The following TACC2 variants were observed in gnomAD, a reference collection of about 807,000 sequenced individuals.
The protein encoded by TACC2 is transforming acidic coiled-coil containing protein 2, also known as transforming acidic coiled-coil-containing protein 2.
A neutral mutation model predicts 227.3 loss-of-function variants in TACC2; 137 were observed. That is an observed-to-expected ratio of 0.60 (90% CI 0.52 to 0.69). TACC2 has a LOEUF of 0.69. Ranked by LOEUF, TACC2 falls within the 30% of genes least tolerant of loss-of-function variation. The probability of loss-of-function intolerance (pLI) is 0.00; values close to 1 mark genes in which losing one functional copy is unlikely to be tolerated. For missense variants in TACC2, 3,470 were observed against 3,694.4 expected (o/e 0.94, Z 1.57); for synonymous variants, 1,523 against 1,487.5 (o/e 1.02, Z -0.55).
chr10:122,010,818 C>A (rs146075852), intron 1 of TACC2, among the ~76,000 whole-genome samples: 127 of 152,338 alleles, frequency 8.3e-4, no homozygotes, highest in African/African-American at 2.7e-3. Flanking sequence ...CATCACAAAC[C>A]ACCCCAACAC....
intron 1 of TACC2, among the ~76,000 whole-genome samples, chr10:122,002,105 A>G (rs889647971): frequency 1.3e-5 from 2 of 152,166 alleles, no homozygotes; most frequent in African/African-American, 2.4e-5. Flanking sequence ...CCTAGTGAGG[A>G]TCATCTTCTT....
At chr10:122,164,072 T>A in intron 7 of TACC2, 1 of 1,508,458 alleles carries the variant, frequency 6.6e-7, no homozygotes, top group Non-Finnish European at 9.0e-7. Context: ...TCGCCTTTCC[T>A]AATGCCTGTG....
chr10:122,168,387 A>G (rs1293922942), intron 7 of TACC2, among the ~76,000 whole-genome samples: 2 of 152,204 alleles, frequency 1.3e-5, no homozygotes, highest in Non-Finnish European at 2.9e-5. Context: ...AAGCTGCAAC[A>G]TTATCTGTAG....
chr10:122,068,847 C>G (rs1254040618), intron 3 of TACC2, among the ~76,000 whole-genome samples: 1 of 93,174 alleles, frequency 1.1e-5, no homozygotes, highest in African/African-American at 4.4e-5. Flanking sequence ...TCTGTGTGAC[C>G]TAGAAGTTTT....
chr10:122,197,096 A>C (rs1453542128), intron 8 of TACC2, among the ~76,000 whole-genome samples: 1 of 151,626 alleles, frequency 6.6e-6, no homozygotes, highest in Non-Finnish European at 1.5e-5. Context: ...CCCCGTCTCT[A>C]CTAAAAATAC....
intron 3 of TACC2, among the ~76,000 whole-genome samples, chr10:122,063,843 C>CAG (rs2077103268): frequency 6.6e-6 from 1 of 151,150 alleles, no homozygotes; most frequent in Admixed American, 6.6e-5. Flanking sequence ...CACACACACA[C>CAG]ACACACACAC....
chr10:122,216,801 G>A lies in TACC2; in HGVS notation c.7519G>A (p.Glu2507Lys). 2 of 1,614,086 alleles carry A rather than the reference G, an allele frequency of 1.2e-6. No individual in the cohort carries two copies. The highest frequency in any genetic ancestry group is 1.7e-6 in the Non-Finnish European group (2 of 1,180,028). The change falls in exon 11 of 23, where the codon GAG becomes AAG. Residue 2507 changes from glutamate to lysine, a missense_variant. Coordinates refer to ENST00000369005, the MANE Select transcript of TACC2 (RefSeq NM_206862.4). ...CTCGGACCTGTCCACCTTTGTAAAC[G>A]AGACCAAATTCAGTTCACCCACTGA... is the stretch of plus-strand genomic sequence containing the variant. The part of the protein sequence containing the change: ...QPSDLSTFVN[E>K]TKFSSPTEEL...
intron 1 of TACC2, among the ~76,000 whole-genome samples, chr10:121,998,747 A>G (rs1405119608): frequency 6.6e-6 from 1 of 152,132 alleles, no homozygotes; most frequent in Non-Finnish European, 1.5e-5. Context: ...ACCCAGCAAC[A>G]CTGGCTGACT....
rs17103218 is a variant in TACC2 at position 122,221,771 on chromosome 10, T to C, written c.7547-2955T>C. Among the ~76,000 whole-genome samples the C allele has an allele frequency of 0.011, 1,724 of 152,312 alleles. 117 individuals are homozygous for C. The East Asian group carries it at 0.21, about 18-fold the overall frequency. ...TATCTTAAAGTATTTCATTTTAGCC[T>C]ACAAAATATAAGCACTTTGAGCTCC... On this transcript the variant is annotated intron_variant, in intron 11 of 22. Coordinates refer to ENST00000369005, the MANE Select transcript of TACC2 (RefSeq NM_206862.4).
rs748421472 is a variant in TACC2 at position 122,210,914 on chromosome 10, C to G, written c.6489C>G (p.Val2163=). 10 of 1,613,810 alleles carry G rather than the reference C, an allele frequency of 6.2e-6. No homozygotes were observed. Among genetic ancestry groups the G allele is most frequent in the Non-Finnish European group, 8.5e-6 (10 of 1,179,988 alleles). The part of the protein sequence containing the change: ...TQQEPDEESL[V]PSGENLASET... The stretch of plus-strand genomic sequence containing the variant: ...AGGAGCCAGATGAAGAGAGCCTTGT[C>G]CCCAGTGGGGAGAATCTAGCATCTG... The change falls in exon 9 of 23, where the codon GTC becomes GTG. Residue 2163 remains valine (V), a synonymous_variant. Coordinates refer to ENST00000369005, the MANE Select transcript of TACC2 (RefSeq NM_206862.4). This position sits in a 1 kb window ranked among gnomAD's most constrained non-coding sequence, Gnocchi z 4.6.
chr10:122,234,806 T>G (rs1323942106), intron 16 of TACC2, among the ~76,000 whole-genome samples: 1 of 152,250 alleles, frequency 6.6e-6, no homozygotes, highest in Non-Finnish European at 1.5e-5. Context: ...TAGTCATATT[T>G]AGTTTCTGCC....
chr10:122,239,859 G>A (rs956740383), intron 18 of TACC2, among the ~76,000 whole-genome samples: 3 of 152,216 alleles, frequency 2.0e-5, no homozygotes, highest in Non-Finnish European at 2.9e-5. Flanking sequence ...GTGAAAACCA[G>A]GCTCTGCTTC....
Position 122,205,625 on chromosome 10 carries a change from C to T in TACC2, c.5972-4772C>T, listed in dbSNP as rs1241419530. Among the ~76,000 whole-genome samples, 4 of 152,328 alleles carry T rather than the reference C, an allele frequency of 2.6e-5. No individual in the cohort carries two copies. Among genetic ancestry groups the T allele is most frequent in the South Asian group, 2.1e-4 (1 of 4,822 alleles). On this transcript the variant is annotated intron_variant, in intron 8 of 22. Coordinates refer to ENST00000369005, the MANE Select transcript of TACC2 (RefSeq NM_206862.4). The surrounding 1 kb of genome is among the most constrained non-coding windows in gnomAD (Gnocchi z 4.5). The stretch of plus-strand genomic sequence containing the variant: ...TGAGATAGCCCAGTTCCAGACTTCC[C>T]GATGAGGAGGCGCACCTGTGGCACC...
intron 5 of TACC2, among the ~76,000 whole-genome samples, chr10:122,091,493 T>G (rs2080812806): frequency 6.6e-6 from 1 of 152,188 alleles, no homozygotes; most frequent in Admixed American, 6.5e-5. Flanking sequence ...CCCTGGTCTT[T>G]GAAGGAAATG....
At chr10:122,126,567 C>G (rs1194225720) in intron 5 of TACC2, 2 of 152,184 alleles carry the variant, frequency 1.3e-5, no homozygotes, top group East Asian at 3.9e-4. Context: ...TATATGCAAG[C>G]TCCTCTCTGA....
chr10:121,989,592 A>G (rs928042267), intron 1 of TACC2, 104 bp downstream of exon 1: 3 of 152,164 alleles, frequency 2.0e-5, no homozygotes, highest in African/African-American at 4.8e-5. Flanking sequence ...GTGGCTGGGG[A>G]GCACCATCAC....
intron 2 of TACC2, among the ~76,000 whole-genome samples, chr10:122,031,397 CTTTTTTTTTT>C (rs758476678): frequency 2.2e-5 from 2 of 91,738 alleles, no homozygotes; most frequent in Admixed American, 1.3e-4. Flanking sequence ...GGTCTAGCCT[CTTTTTTTTTT>C]TTTTTTTTTT....
chr10:122,106,023 T>C (rs1248291310), intron 5 of TACC2, among the ~76,000 whole-genome samples: 2 of 150,032 alleles, frequency 1.3e-5, no homozygotes, highest in Non-Finnish European at 3.0e-5. Context: ...GTCTCGCTCT[T>C]GTTGCCCAGG....
intron 2 of TACC2, among the ~76,000 whole-genome samples, chr10:122,044,936 A>G (rs755559088): frequency 1.3e-5 from 2 of 152,122 alleles, no homozygotes; most frequent in African/African-American, 2.4e-5. Context: ...TTGGAAGTGT[A>G]AAGGGTAACT....
Sources: allele counts gnomAD v4.1 joint callset (sites outside exome capture counted in the v4.1 genomes callset), GRCh38; gene constraint gnomAD v4.1.1; non-coding constraint Gnocchi (gnomAD v3.1); transcripts MANE v1.5; gene names NCBI Gene and HGNC (gene_info 2026-07-23, HGNC 2026-07-21).